Variants in THAP6 observed in about 807,000 individuals in gnomAD.
THAP6 encodes the protein THAP domain-containing protein 6.
Under a neutral mutation model 20.0 loss-of-function variants are expected in THAP6, and 13 were observed. The observed-to-expected ratio is 0.65, with a 90% CI of 0.42 to 1.03. The LOEUF (loss-of-function observed/expected upper bound fraction) is 1.03. Among genes scored for constraint, THAP6 ranks in the 50% least tolerant of loss-of-function variants. The pLI is 0.00. For synonymous variants in THAP6, 93 were observed against 92.2 expected (o/e 1.01, Z -0.05); for missense variants, 262 against 261.6 (o/e 1.00, Z -0.01).
upstream of THAP6, chr4:75,514,346 A>G (rs1725330497): frequency 6.4e-7 from 1 of 1,562,322 alleles, no homozygotes. Flanking sequence ...CCACGCCCAG[A>G]GAAGCTGCGC....
intron 2 of THAP6, among the ~76,000 whole-genome samples, chr4:75,539,511 A>G (rs1249077377): frequency 6.6e-6 from 1 of 152,230 alleles, no homozygotes; most frequent in African/African-American, 2.4e-5. Context: ...TATGAAATTA[A>G]TGGAGCTTCA....
At chr4:75,542,715 CT>C (rs1578284656) in intron 3 of THAP6, 3 of 383,176 alleles carry the variant, frequency 7.8e-6, no homozygotes, top group Admixed American at 4.2e-5. Flanking sequence ...GAGCCAGAGA[CT>C]TTTGTTTTGT....
downstream of THAP6, among the ~76,000 whole-genome samples, chr4:75,534,991 T>A (rs1206672255): frequency 6.6e-6 from 1 of 152,230 alleles, no homozygotes; most frequent in African/African-American, 2.4e-5. Flanking sequence ...GAAGTCAGTG[T>A]GGTGATTCCT....
intron 3 of THAP6, among the ~76,000 whole-genome samples, chr4:75,547,136 G>C (rs925652313): frequency 6.6e-6 from 1 of 152,146 alleles, no homozygotes; most frequent in African/African-American, 2.4e-5. Context: ...TCAACATGCA[G>C]GTACAGGGGC....
At chr4:75,514,021 G>A (rs1255771564), upstream of THAP6, 4 of 930,320 alleles carry the variant, frequency 4.3e-6, no homozygotes, top group East Asian at 2.7e-5. Flanking sequence ...TAGGAAAGGT[G>A]GGGCTTATCG....
At chr4:75,536,448 G>A (rs1424505045) in intron 2 of THAP6, among the ~76,000 whole-genome samples, 1 of 152,016 alleles carries the variant, frequency 6.6e-6, no homozygotes, top group Non-Finnish European at 1.5e-5. Context: ...TGGGCAACAA[G>A]AGCAAAACTC....
At chr4:75,546,241 A>G (rs1029016014) in intron 3 of THAP6, among the ~76,000 whole-genome samples, 4 of 152,210 alleles carry the variant, frequency 2.6e-5, no homozygotes, top group African/African-American at 7.2e-5. Flanking sequence ...GGAAGTCACT[A>G]TGAGATTCTC....
chr4:75,541,681 G>T (rs145437085), intron 2 of THAP6, among the ~76,000 whole-genome samples: 1 of 152,138 alleles, frequency 6.6e-6, no homozygotes, highest in East Asian at 1.9e-4. Flanking sequence ...AACCAGCCGG[G>T]CACAGTGGCT....
downstream of THAP6, among the ~76,000 whole-genome samples, chr4:75,533,919 C>T (rs1457406911): frequency 6.6e-6 from 1 of 151,872 alleles, no homozygotes; most frequent in African/African-American, 2.4e-5. Context: ...CCTCCCCCCA[C>T]CGCACAACAG....
At chr4:75,524,860 A>G (rs547632262) in intron 4 of THAP6, among the ~76,000 whole-genome samples, 5 of 152,138 alleles carry the variant, frequency 3.3e-5, no homozygotes, top group South Asian at 2.1e-4. Flanking sequence ...GGCTCAAGCA[A>G]TCCCTCCACC....
At chr4:75,530,108 C>A, downstream of THAP6, 8 of 981,866 alleles carry the variant, frequency 8.1e-6, no homozygotes, top group Non-Finnish European at 9.7e-6. Flanking sequence ...AGGTTTTGCT[C>A]TAATTTCTCC....
At chr4:75,536,135 C>A (rs899438821) in intron 2 of THAP6, among the ~76,000 whole-genome samples, 12 of 152,074 alleles carry the variant, frequency 7.9e-5, no homozygotes, top group Non-Finnish European at 1.5e-4. Context: ...TCTAAAAATC[C>A]CAATTAAAAG....
At chr4:75,521,459 A>G (rs893920731) in intron 3 of THAP6, among the ~76,000 whole-genome samples, 2 of 152,178 alleles carry the variant, frequency 1.3e-5, no homozygotes, top group Admixed American at 6.5e-5. Flanking sequence ...GTCCTAACAA[A>G]AGAACACACT....
At position 75,517,252 on chromosome 4, in the gene THAP6, G is replaced by A. The variant is rs112737306; in HGVS notation, c.288+273G>A. On this transcript the variant is annotated intron_variant, in intron 3 of 4. Coordinates refer to ENST00000311638, the MANE Select transcript of THAP6 (RefSeq NM_144721.6). Reference sequence around the variant, plus strand: ...AGGCTGGTCTTGAACTCCTGACCTCGTGATCCACCCTCCTCGGCGTCCCAA... The same window carrying A: ...AGGCTGGTCTTGAACTCCTGACCTCATGATCCACCCTCCTCGGCGTCCCAA... 2.9e-3 allele frequency: 829 copies of A among 284,614 alleles called. 8 individuals are homozygous for A. Among genetic ancestry groups the A allele is most frequent in the African/African-American group, 0.016 (760 of 46,188 alleles). The allele number at this position is 284,614 out of a possible 1,614,324, so 17.6% of individuals were successfully genotyped here.
At chr4:75,517,547 T>G (rs1725740069) in intron 3 of THAP6, 1 of 152,276 alleles carries the variant, frequency 6.6e-6, no homozygotes, top group African/African-American at 2.4e-5. Flanking sequence ...ACTGAAGATT[T>G]TTGTCTAAAA....
downstream of THAP6, among the ~76,000 whole-genome samples, chr4:75,534,795 G>T (rs1726803552): frequency 6.6e-6 from 1 of 152,172 alleles, no homozygotes; most frequent in Non-Finnish European, 1.5e-5. Context: ...GCAGCCAACA[G>T]ACACATGAAA....
intron 2 of THAP6, among the ~76,000 whole-genome samples, chr4:75,515,781 A>G (rs1302508191): frequency 1.3e-5 from 2 of 152,260 alleles, no homozygotes; most frequent in Admixed American, 1.3e-4. Flanking sequence ...ACTTTTGCTA[A>G]TATTATTACT....
chr4:75,538,594 AGCCTGGGTAGC>A (rs1398089707), intron 2 of THAP6, among the ~76,000 whole-genome samples: 1 of 152,234 alleles, frequency 6.6e-6, no homozygotes, highest in African/African-American at 2.4e-5. Context: ...CCTAAAGGCA[AGCCTGGGTAGC>A]GCCTGAGCCA....
chr4:75,540,440 A>G (rs964244609), intron 2 of THAP6, among the ~76,000 whole-genome samples: 1 of 152,200 alleles, frequency 6.6e-6, no homozygotes, highest in African/African-American at 2.4e-5. Flanking sequence ...CTAAACAGAT[A>G]ATCCTTGAAC....
Sources: gnomAD v4.1 joint callset for allele counts (sites outside exome capture counted in the v4.1 genomes callset) on GRCh38, gnomAD v4.1.1 for gene constraint, MANE v1.5 for transcripts, NCBI Gene and HGNC (gene_info 2026-07-23, HGNC 2026-07-21) for gene names.